Variants in DACH1 observed in about 807,000 individuals in gnomAD.
DACH1 encodes the protein dachshund family transcription factor 1.
Under a neutral mutation model 54.2 loss-of-function variants are expected in DACH1, and 12 were observed. The observed-to-expected ratio is 0.22, with a 90% CI of 0.14 to 0.36. The LOEUF (loss-of-function observed/expected upper bound fraction) is 0.36, where lower values mean the gene tolerates loss of function less well. DACH1 is among the 10% of genes least tolerant of loss of function. The pLI is 1.00. For missense variants in DACH1, 805 were observed against 929.8 expected (o/e 0.87, Z 1.75); for synonymous variants, 386 against 366.2 (o/e 1.05, Z -0.62).
At chr13:71,668,717 G>A (rs1880024616) in intron 2 of DACH1, among the ~76,000 whole-genome samples, 1 of 152,030 alleles carries the variant, frequency 6.6e-6, no homozygotes, top group Non-Finnish European at 1.5e-5. Flanking sequence ...TTCAGGTCAA[G>A]AGGTCGAGAC....
chr13:71,796,768 T>G (rs1176797881), intron 1 of DACH1, among the ~76,000 whole-genome samples: 1 of 152,000 alleles, frequency 6.6e-6, no homozygotes, highest in African/African-American at 2.4e-5. Context: ...AGCTGGACAG[T>G]TCATATAAAC....
At chr13:71,444,734 TA>T (rs1168178542) in intron 10 of DACH1, among the ~76,000 whole-genome samples, 1 of 152,174 alleles carries the variant, frequency 6.6e-6, no homozygotes, top group East Asian at 1.9e-4. Flanking sequence ...GACCCATATT[TA>T]CATTAACTAG....
chr13:71,717,504 T>TCACACACACACA lies in DACH1; in HGVS notation c.849-35606_849-35595dup, dbSNP rs3221998. ...ACACTGCAAGGACCTGTGTGTGTAA[T>TCACACACACACA]CACACACACACACACACACACACAC... On this transcript the variant is annotated intron_variant, in intron 1 of 10. Transcript: ENST00000613252. Among the ~76,000 whole-genome samples the TCACACACACACA allele has an allele frequency of 5.6e-3, 801 of 142,866 alleles. 12 individuals carry two copies. The highest frequency in any genetic ancestry group is 0.019 in the African/African-American group (741 of 38,300). The allele number at this position is 142,866 out of a possible 152,430, so 93.7% of individuals were successfully genotyped here.
At chr13:71,721,934 T>C (rs1319647565) in intron 1 of DACH1, among the ~76,000 whole-genome samples, 1 of 152,168 alleles carries the variant, frequency 6.6e-6, no homozygotes, top group Admixed American at 6.5e-5. Context: ...TTGAATAGTG[T>C]ATCTATTAGA....
At chr13:71,860,336 T>C (rs143361579) in intron 1 of DACH1, among the ~76,000 whole-genome samples, 1 of 151,904 alleles carries the variant, frequency 6.6e-6, no homozygotes, top group Non-Finnish European at 1.5e-5. Flanking sequence ...TCATTCTATT[T>C]TTATAACAAT....
At chr13:71,852,529 G>C (rs997080462) in intron 1 of DACH1, among the ~76,000 whole-genome samples, 1 of 152,158 alleles carries the variant, frequency 6.6e-6, no homozygotes. Context: ...AGCTAGCTTT[G>C]AAATAAAGCT....
At chr13:71,444,402 C>G (rs1874267561) in intron 10 of DACH1, among the ~76,000 whole-genome samples, 1 of 151,968 alleles carries the variant, frequency 6.6e-6, no homozygotes, top group African/African-American at 2.4e-5. Flanking sequence ...GATTATCATT[C>G]CCATTCTTAT....
chr13:71,735,028 G>A (rs940784672), intron 1 of DACH1, among the ~76,000 whole-genome samples: 8 of 145,762 alleles, frequency 5.5e-5, no homozygotes, highest in Non-Finnish European at 1.1e-4. Flanking sequence ...ACACACACAG[G>A]ATATATATAT....
intron 3 of DACH1, among the ~76,000 whole-genome samples, chr13:71,588,776 T>C (rs1873465597): frequency 6.6e-6 from 1 of 151,984 alleles, no homozygotes; most frequent in African/African-American, 2.4e-5. Context: ...AATCACACAA[T>C]AATTTTACTG....
Position 71,521,572 on chromosome 13 carries a change from T to C in DACH1, c.1571-32424A>G, listed in dbSNP as rs527995283. On this transcript the variant is annotated intron_variant, in intron 6 of 10. Transcript: ENST00000613252. ...TTCAGTCTTTCAAAGGCAAGGTAAC[T>C]GTTATTCCTATATGGTTTCCTCTAA... 1.1e-4 allele frequency among the ~76,000 whole-genome samples: 16 copies of C among 152,140 alleles called. 1 individual carries two copies. The South Asian group carries it at 3.3e-3, about 32-fold the overall frequency.
rs537550863 is a variant in DACH1 at position 71,587,262 on chromosome 13, C to A, written c.1127-14250G>T. 1.5e-3 allele frequency among the ~76,000 whole-genome samples: 222 copies of A among 152,060 alleles called. 1 individual carries two copies. Among genetic ancestry groups the A allele is most frequent in the African/African-American group, 5.2e-3 (215 of 41,506 alleles). ...TGGTTTTTCAAAAATGCAAACTAGA[C>A]ATTACTATATTACTTTGCAAAATGC... On this transcript the variant is annotated intron_variant, in intron 3 of 10. Coordinates refer to ENST00000613252, the MANE Select transcript of DACH1 (RefSeq NM_080759.6).
At chr13:71,464,635 C>T (rs907531354) in intron 10 of DACH1, 1 of 448,260 alleles carries the variant, frequency 2.2e-6, no homozygotes, top group Non-Finnish European at 4.5e-6. Flanking sequence ...TTTATGAAGA[C>T]AATTAAGGGA....
intron 5 of DACH1, among the ~76,000 whole-genome samples, chr13:71,559,285 C>A (rs1316868237): frequency 2.0e-5 from 3 of 152,070 alleles, no homozygotes; most frequent in Non-Finnish European, 2.9e-5. Context: ...GTTACTAATT[C>A]AAATTCTCAA....
At chr13:71,464,400 G>A (rs978476563) in intron 10 of DACH1, among the ~76,000 whole-genome samples, 2 of 151,912 alleles carry the variant, frequency 1.3e-5, no homozygotes, top group Non-Finnish European at 2.9e-5. Context: ...TTCAGCTGTT[G>A]TAAGACTAAA....
chr13:71,559,026 G>GC (rs1884427254), intron 5 of DACH1, among the ~76,000 whole-genome samples: 1 of 151,930 alleles, frequency 6.6e-6, no homozygotes, highest in African/African-American at 2.4e-5. Flanking sequence ...CTGGGAATAA[G>GC]CAATATATAT....
In DACH1 at chr13:71,866,857, A is replaced by C; in HGVS notation, c.-88T>G. On this transcript the variant is annotated 5_prime_UTR_variant, in exon 1 of 11. Transcript: ENST00000613252. Reference sequence around the variant, plus strand: ...GGAGGGGAAGGGGAAAAAAGGGGGGAGAAGGAGCGAGGGGGGCAACAACAA... The same window carrying C: ...GGAGGGGAAGGGGAAAAAAGGGGGGCGAAGGAGCGAGGGGGGCAACAACAA... The C allele has an allele frequency of 4.1e-6, 4 of 980,780 alleles. No individual in the cohort carries two copies. The highest frequency in any genetic ancestry group is 1.1e-4 in the Admixed American group (2 of 18,232). 60.8% of individuals were successfully genotyped at this position (980,780 alleles called of 1,614,324 possible).
At chr13:71,634,937 C>T (rs997696653) in intron 2 of DACH1, among the ~76,000 whole-genome samples, 8 of 152,166 alleles carry the variant, frequency 5.3e-5, no homozygotes, top group African/African-American at 1.9e-4. Context: ...GTCTCTTAAA[C>T]TCTTTATTGC....
chr13:71,572,786 G>T, intron 4 of DACH1, 54 bp downstream of exon 4: 1 of 1,541,438 alleles, frequency 6.5e-7, no homozygotes, highest in Admixed American at 1.8e-5. Context: ...AATGGATTAA[G>T]GGATGGTGGC....
At chr13:71,445,975 A>G (rs1874421520) in intron 10 of DACH1, among the ~76,000 whole-genome samples, 1 of 152,196 alleles carries the variant, frequency 6.6e-6, no homozygotes, top group Admixed American at 6.5e-5. Flanking sequence ...ATGTTATATA[A>G]TAATGGTCCC....
Sources: allele counts gnomAD v4.1 joint callset (sites outside exome capture counted in the v4.1 genomes callset), GRCh38; gene constraint gnomAD v4.1.1; transcripts MANE v1.5; gene names NCBI Gene and HGNC (gene_info 2026-07-23, HGNC 2026-07-21).